Variants in LRRC49 observed in about 807,000 individuals in gnomAD.
LRRC49 encodes leucine-rich repeat-containing protein 49.
In LRRC49, 50 loss-of-function variants were observed where a neutral mutation model predicts 83.3. The observed-to-expected ratio is 0.60, with a 90% CI of 0.48 to 0.76. LRRC49 has a LOEUF of 0.76. Ranked by LOEUF, LRRC49 falls within the 30% of genes least tolerant of loss-of-function variation. The probability of loss-of-function intolerance (pLI) is 0.00; values close to 1 mark genes in which losing one functional copy is unlikely to be tolerated. For synonymous variants in LRRC49, 286 were observed against 283.3 expected, an observed-to-expected ratio of 1.01 and a Z score of -0.10; for missense variants, 704 against 809.1, an observed-to-expected ratio of 0.87 and a Z score of 1.58.
chr15:70,994,466 A>G (rs927873197), intron 11 of LRRC49, among the ~76,000 whole-genome samples: 8 of 151,384 alleles, frequency 5.3e-5, no homozygotes, highest in African/African-American at 1.9e-4. Context: ...TATGAGCTTT[A>G]TTTATTTATT....
intron 9 of LRRC49, among the ~76,000 whole-genome samples, chr15:70,973,254 C>T (rs1013388468): frequency 1.3e-5 from 2 of 152,164 alleles, no homozygotes; most frequent in African/African-American, 4.8e-5. Flanking sequence ...TGCAGGTCTG[C>T]TGGAGTTTGC....
At chr15:71,001,024 A>G (rs1025831889) in intron 11 of LRRC49, among the ~76,000 whole-genome samples, 3 of 152,160 alleles carry the variant, frequency 2.0e-5, no homozygotes, top group Non-Finnish European at 2.9e-5. Context: ...ACAAAAATAT[A>G]TACCTGTTCC....
intron 11 of LRRC49, among the ~76,000 whole-genome samples, chr15:70,986,026 A>G (rs1316671791): frequency 6.6e-6 from 1 of 151,612 alleles, no homozygotes; most frequent in Non-Finnish European, 1.5e-5. Context: ...TGTTTTGGTT[A>G]TTGTAGCCTT....
chr15:70,870,806 T>C (rs1420343100), intron 1 of LRRC49, among the ~76,000 whole-genome samples: 1 of 152,222 alleles, frequency 6.6e-6, no homozygotes, highest in African/African-American at 2.4e-5. Flanking sequence ...AGGTAATTCT[T>C]AACCCTTTCA....
At chr15:70,981,358 T>C (rs901399231) in intron 10 of LRRC49, among the ~76,000 whole-genome samples, 5 of 110,338 alleles carry the variant, frequency 4.5e-5, no homozygotes, top group African/African-American at 1.7e-4. Flanking sequence ...GTGGGGGGGC[T>C]AGGGGACGGA....
intron 9 of LRRC49, among the ~76,000 whole-genome samples, chr15:70,966,743 G>A (rs1463627122): frequency 6.6e-6 from 1 of 152,102 alleles, no homozygotes; most frequent in Non-Finnish European, 1.5e-5. Context: ...TAGAGGCACT[G>A]TGAAAAAATC....
At chr15:70,892,812 G>A (rs529902514), upstream of LRRC49, 6 of 1,613,588 alleles carry the variant, frequency 3.7e-6, no homozygotes, top group Non-Finnish European at 5.1e-6. Flanking sequence ...CCTGGGAGAT[G>A]ACCTCTTTCG....
intron 11 of LRRC49, among the ~76,000 whole-genome samples, chr15:70,989,583 C>T (rs1016483754): frequency 1.3e-5 from 2 of 152,272 alleles, no homozygotes; most frequent in Middle Eastern, 3.4e-3. Context: ...TGAATTTCCT[C>T]CTGTAGCTCG....
chr15:70,965,394 TA>T, intron 9 of LRRC49, among the ~76,000 whole-genome samples: 1 of 152,244 alleles, frequency 6.6e-6, no homozygotes, highest in Non-Finnish European at 1.5e-5. Flanking sequence ...GTTATATCAA[TA>T]TTGTTCTTTA....
intron 14 of LRRC49, among the ~76,000 whole-genome samples, chr15:71,019,172 A>G (rs2038917499): frequency 6.6e-6 from 1 of 151,982 alleles, no homozygotes; most frequent in Non-Finnish European, 1.5e-5. Context: ...GCTATTGGTA[A>G]TCAAGTCAGT....
chr15:70,883,440 C>T (rs1417784285), intron 2 of LRRC49, among the ~76,000 whole-genome samples: 1 of 151,824 alleles, frequency 6.6e-6, no homozygotes, highest in African/African-American at 2.4e-5. Context: ...GTGATCTGCC[C>T]GCCTCAGCCT....
At chr15:70,859,883 T>G (rs1341898380) in intron 1 of LRRC49, 1 of 768,952 alleles carries the variant, frequency 1.3e-6, no homozygotes, top group African/African-American at 1.7e-5. Flanking sequence ...AACTGCCACC[T>G]ACAGGAAGCT....
At chr15:71,021,546 A>G (rs2038995512) in intron 14 of LRRC49, among the ~76,000 whole-genome samples, 1 of 152,210 alleles carries the variant, frequency 6.6e-6, no homozygotes, top group Non-Finnish European at 1.5e-5. Flanking sequence ...CAAACACCCC[A>G]AATCTTAGTG....
intron 13 of LRRC49, among the ~76,000 whole-genome samples, chr15:71,011,477 C>T (rs1358432817): frequency 5.9e-5 from 9 of 152,040 alleles, no homozygotes; most frequent in African/African-American, 2.2e-4. Flanking sequence ...ATAATTTATT[C>T]TGATTTAAAT....
At chr15:70,896,135 G>T (rs1328170965) in intron 3 of LRRC49, among the ~76,000 whole-genome samples, 199 bp downstream of exon 3, 1 of 151,948 alleles carries the variant, frequency 6.6e-6, no homozygotes, top group African/African-American at 2.4e-5. Context: ...ACAGAAAAAA[G>T]CTGTTATTAT....
intron 11 of LRRC49, among the ~76,000 whole-genome samples, chr15:70,988,310 C>G (rs1273670198): frequency 2.7e-5 from 4 of 147,366 alleles, no homozygotes; most frequent in African/African-American, 1.0e-4. Flanking sequence ...CTTTATGAAT[C>G]TGGGTGCTCC....
chr15:70,900,237 T>A (rs2249595), intron 3 of LRRC49: 115,523 of 268,868 alleles, frequency 0.43, 25,986 homozygotes, highest in East Asian at 0.61. Context: ...AAGGACACCA[T>A]CTAACAAACA....
In LRRC49 at chr15:70,931,498, G is replaced by A. The variant is rs188129381; in HGVS notation, c.712-5263G>A. ...GTGAGCACATGCTGTTGGAAAAATG[G>A]CACTGACTTGGTTGATACAGGATTG... On this transcript the variant is annotated intron_variant, in intron 7 of 15. Transcript: ENST00000260382. Among the ~76,000 whole-genome samples, 123 of 152,074 alleles carry A rather than the reference G, an allele frequency of 8.1e-4. 1 individual carries two copies. Among genetic ancestry groups the A allele is most frequent in the Non-Finnish European group, 1.6e-3 (111 of 67,970 alleles).
At chr15:70,964,402 C>T (rs979268453) in intron 9 of LRRC49, among the ~76,000 whole-genome samples, 1 of 151,934 alleles carries the variant, frequency 6.6e-6, no homozygotes, top group Non-Finnish European at 1.5e-5. Flanking sequence ...AGGTTTGTCG[C>T]GAAGATGAAA....
Sources: allele counts gnomAD v4.1 joint callset (sites outside exome capture counted in the v4.1 genomes callset), GRCh38; gene constraint gnomAD v4.1.1; transcripts MANE v1.5; gene names NCBI Gene and HGNC (gene_info 2026-07-23, HGNC 2026-07-21).